The following PF4 variants were observed in gnomAD, a reference collection of about 807,000 sequenced individuals.
The protein encoded by PF4 is platelet factor 4, also known as C-X-C motif chemokine 4.
Under a neutral mutation model 6.9 loss-of-function variants are expected in PF4, and 8 were observed. The ratio of observed to expected loss-of-function variants is 1.16; its 90% CI spans 0.68 to 2.09. PF4 has a LOEUF of 2.09. PF4 is among the 30% of genes most tolerant of loss of function. PF4 has a pLI of 0.00. For missense variants in PF4, 111 were observed against 122.9 expected (o/e 0.90, Z 0.46); for synonymous variants, 55 against 56.5 (o/e 0.97, Z 0.12).
At position 73,981,853 on chromosome 4, in the gene PF4, C is replaced by T. The variant is rs1407812833; in HGVS notation, c.91+10G>A. On this transcript the variant is annotated intron_variant, in intron 1 of 2. Coordinates refer to ENST00000296029, the MANE Select transcript of PF4 (RefSeq NM_002619.4). ...GCTGCCAGCCCTCACAGCCTGGCTT[C>T]TGCTCTCACCGCTGGCGAAGGCGAC... The T allele has an allele frequency of 6.4e-7, 1 of 1,551,138 alleles. No individual in the cohort carries two copies. Among genetic ancestry groups the T allele is most frequent in the Non-Finnish European group, 8.7e-7 (1 of 1,146,870 alleles).
rs1371039940 is a variant in PF4, at chr4:73,981,277, T to C, written c.233A>G (p.Asn78Ser). Reference protein sequence around the residue: ...PTAQLIATLKNGRKICLDLQA... With the variant: ...PTAQLIATLKSGRKICLDLQA... ...CAGGTCCAAGCAAATTTTCCTTCCA[T>C]TCTTCAGCGTGGCTCTGGCAGGGAA... Residue 78 changes from asparagine (N) to serine (S), a missense_variant, in exon 3 of 3, where the codon AAT (asparagine) becomes AGT (serine). Physicochemically the swap from Asn to Ser is conservative, Grantham distance 46. Transcript: ENST00000296029. 1 of 1,614,234 alleles carries C rather than the reference T, an allele frequency of 6.2e-7. No homozygotes were observed. Among genetic ancestry groups the C allele is most frequent in the Non-Finnish European group, 8.5e-7 (1 of 1,180,024 alleles).
chr4:73,982,044 C>A (rs774022989), upstream of PF4: 2 of 1,074,040 alleles, frequency 1.9e-6, no homozygotes, highest in South Asian at 1.5e-5. Flanking sequence ...TGAGCCTCGC[C>A]GGCACGTTTT....
intron 1 of PF4, 102 bp downstream of exon 1, chr4:73,981,761 T>C (rs2109811102): frequency 6.7e-7 from 1 of 1,494,476 alleles, no homozygotes; most frequent in Admixed American, 2.2e-5. Flanking sequence ...CTCCGTTAAG[T>C]GTGGCTGTGA....
chr4:73,981,217 A>T lies in PF4; in HGVS notation c.293T>A (p.Leu98His), dbSNP rs1718775364. Residue 98 changes from leucine to histidine, a missense_variant, in exon 3 of 3, where the codon CTT becomes CAT. Transcript: ENST00000296029. The part of the protein sequence containing the change: ...APLYKKIIKK[L>H]LES ...GGCAGCTAGTAGCTAACTCTCCAAA[A>T]GTTTCTTAATTATTTTCTTGTACAG... 1.2e-6 allele frequency: 2 copies of T among 1,613,770 alleles called. No individual in the cohort carries two copies. Among genetic ancestry groups the T allele is most frequent in the Admixed American group, 1.7e-5 (1 of 60,006 alleles).
Position 73,981,974 on chromosome 4 carries a change from A to G in PF4, c.-21T>C, listed in dbSNP as rs367691357. ...CTCATGCTGCGGCAGAGCTTCCAGC[A>G]GGATCTCAGTGCTCAGTGCGATGGG... On this transcript the variant is annotated 5_prime_UTR_variant, in exon 1 of 3. Coordinates refer to ENST00000296029, the MANE Select transcript of PF4 (RefSeq NM_002619.4). The G allele has an allele frequency of 2.6e-6, 4 of 1,547,248 alleles. No homozygotes were observed. Among genetic ancestry groups the G allele is most frequent in the Middle Eastern group, 1.7e-4 (1 of 5,974 alleles).
chr4:73,980,890 G>A lies in PF4; in HGVS notation c.*314C>T, dbSNP rs1259300385. Among the ~76,000 whole-genome samples, 1 of 152,214 alleles carries A rather than the reference G, an allele frequency of 6.6e-6. No homozygotes were observed. Among genetic ancestry groups the A allele is most frequent in the Non-Finnish European group, 1.5e-5 (1 of 68,044 alleles). The stretch of plus-strand genomic sequence containing the variant: ...GTCAAGGTAAATATGTAGCTATAAA[G>A]TACTGCAATCATGTAAATGCATGAA... On this transcript the variant is annotated 3_prime_UTR_variant, in exon 3 of 3. Transcript: ENST00000296029.
At chr4:73,981,791 C>T in intron 1 of PF4, 72 bp downstream of exon 1, 1 of 1,524,308 alleles carries the variant, frequency 6.6e-7, no homozygotes, top group South Asian at 1.3e-5. Flanking sequence ...TAGAGGATTC[C>T]TCCCCAGCCC....
Position 73,981,535 on chromosome 4 carries a change from C to A in PF4, c.100G>T (p.Glu34Ter). 6.2e-7 allele frequency: 1 copy of A among 1,612,936 alleles called. No individual in the cohort carries two copies. The highest frequency in any genetic ancestry group is 1.1e-5 in the South Asian group (1 of 90,900). ...LVVAFASAEAEEDGDLQCLCV... is the reference protein window; with the variant it reads ...LVVAFASAEA ...AGGCACTGCAGGTCCCCATCTTCTT[C>A]AGCTTCAGCTGAGGGGGAAATGGAG... The change falls in exon 2 of 3, where the codon GAA (glutamate) becomes TAA (stop). Residue 34 changes from glutamate (E) to a stop codon, truncating the protein, a stop_gained. Transcript: ENST00000296029. LOFTEE classifies it high-confidence loss of function.
chr4:73,982,077 C>G (rs1718820373), upstream of PF4: 1 of 699,364 alleles, frequency 1.4e-6, no homozygotes, highest in Non-Finnish European at 2.3e-6. Flanking sequence ...CCTTCCAGTC[C>G]GGAAGCCTGA....
rs1268444932 is a variant in PF4 at position 73,981,884 on chromosome 4, G to C, written c.70C>G (p.Leu24Val). Reference sequence around the variant, plus strand: ...TCACCGCTGGCGAAGGCGACCACAAGTGGCAGGAGCAGCAACCCCAGGAAC... The same window carrying C: ...TCACCGCTGGCGAAGGCGACCACAACTGGCAGGAGCAGCAACCCCAGGAAC... ...LLFLGLLLLPLVVAFASAEAE... is the reference protein window; with the variant it reads ...LLFLGLLLLPVVVAFASAEAE... The change falls in exon 1 of 3, where the codon CTT becomes GTT. Residue 24 changes from leucine to valine, a missense_variant. Physicochemically the swap from Leu to Val is conservative, Grantham distance 32 (BLOSUM62 1). Transcript: ENST00000296029. 9.0e-6 allele frequency: 14 copies of C among 1,551,236 alleles called. 1 individual carries two copies. Among genetic ancestry groups the C allele is most frequent in the East Asian group, 2.4e-5 (1 of 40,890 alleles).
chr4:73,981,895 A>G lies in PF4; in HGVS notation c.59T>C (p.Leu20Pro). 3 of 1,551,382 alleles carry G rather than the reference A, an allele frequency of 1.9e-6. No individual in the cohort carries two copies. Among genetic ancestry groups the G allele is most frequent in the Non-Finnish European group, 2.6e-6 (3 of 1,146,936 alleles). Residue 20 changes from leucine (L) to proline (P), a missense_variant, in exon 1 of 3, where the codon CTG becomes CCG. Physicochemically the swap from Leu to Pro is moderately conservative, Grantham distance 98. Transcript: ENST00000296029. ...GAAGGCGACCACAAGTGGCAGGAGC[A>G]GCAACCCCAGGAACAGCAGCCCGGG... ...SRPGLLFLGL[L>P]LLPLVVAFAS...
intron 1 of PF4, 89 bp from the exon 2 acceptor site, chr4:73,981,632 A>G: frequency 2.0e-6 from 3 of 1,516,372 alleles, no homozygotes; most frequent in South Asian, 1.3e-5. Flanking sequence ...GACTTTTTCC[A>G]CTACCTTCAG....
chr4:73,981,446 G>A lies in PF4; in HGVS notation c.189C>T (p.Ala63=), dbSNP rs144253863. 3.7e-4 allele frequency: 595 copies of A among 1,614,036 alleles called. No individual in the cohort carries two copies. Among genetic ancestry groups the A allele is most frequent in the Non-Finnish European group, 4.7e-4 (555 of 1,180,004 alleles). ...RHITSLEVIK[A]GPHCPTAQLI... ...GTTGGGCAGTGGGGCAGTGGGGTCCGGCCTTGATCACCTCCAGGCTGGTGA... is the reference window on the plus strand; with the variant it reads ...GTTGGGCAGTGGGGCAGTGGGGTCCAGCCTTGATCACCTCCAGGCTGGTGA... Residue 63 remains alanine (A), a synonymous_variant, in exon 2 of 3, where the codon GCC becomes GCT. Coordinates refer to ENST00000296029, the MANE Select transcript of PF4 (RefSeq NM_002619.4).
chr4:73,980,983 C>A lies in PF4; in HGVS notation c.*221G>T, dbSNP rs1490172659. ...ACACCTTCCTTCAAAATACTTTTTG[C>A]TTAAAATACCGGAATTTTTTTCTTC... On this transcript the variant is annotated 3_prime_UTR_variant, in exon 3 of 3. Coordinates refer to ENST00000296029, the MANE Select transcript of PF4 (RefSeq NM_002619.4). The A allele has an allele frequency of 1.9e-6, 1 of 538,708 alleles. No individual in the cohort carries two copies. The highest frequency in any genetic ancestry group is 1.9e-5 in the African/African-American group (1 of 52,922). 33.4% of individuals were successfully genotyped at this position (538,708 alleles called of 1,614,324 possible). A position where few individuals can be genotyped will look rare whatever the true frequency, so the allele number is the denominator to read the frequency against.
In PF4 at chr4:73,981,085, TTTTG is replaced by T. The variant is rs1399497851; in HGVS notation, c.*115_*118del. Reference sequence around the variant, plus strand: ...TTTGACTATACTACAACTTGATTTATTTTGTTTATTTAAAATCATAAGGATAACA... The same window carrying T: ...TTTGACTATACTACAACTTGATTTATTTTATTTAAAATCATAAGGATAACA... On this transcript the variant is annotated 3_prime_UTR_variant, in exon 3 of 3. Coordinates refer to ENST00000296029, the MANE Select transcript of PF4 (RefSeq NM_002619.4). The T allele has an allele frequency of 1.4e-5, 10 of 731,140 alleles. No individual in the cohort carries two copies. The highest frequency in any genetic ancestry group is 1.1e-4 in the African/African-American group (6 of 56,268). 45.3% of individuals were successfully genotyped at this position (731,140 alleles called of 1,614,324 possible). A position where few individuals can be genotyped will look rare whatever the true frequency, so the allele number is the denominator to read the frequency against.
In PF4 at chr4:73,981,213, CAA is replaced by C; in HGVS notation, c.295_296del (p.Leu99GlyfsTer25). 3 of 1,613,638 alleles carry C rather than the reference CAA, an allele frequency of 1.9e-6. No homozygotes were observed. The highest frequency in any genetic ancestry group is 2.5e-6 in the Non-Finnish European group (3 of 1,179,554). ...PLYKKIIKKLLES is the reference protein window; with the variant it reads ...PLYKKIIKKLXES ...CGTAGGCAGCTAGTAGCTAACTCTC[CAA>C]AAGTTTCTTAATTATTTTCTTGTAC... On this transcript the variant is annotated frameshift_variant, in exon 3 of 3. Coordinates refer to ENST00000296029, the MANE Select transcript of PF4 (RefSeq NM_002619.4). LOFTEE classifies it high-confidence loss of function.
chr4:73,981,867 G>A lies in PF4; in HGVS notation c.87C>T (p.Ala29=). The A allele has an allele frequency of 6.4e-7, 1 of 1,551,226 alleles. No homozygotes were observed. Among genetic ancestry groups the A allele is most frequent in the Non-Finnish European group, 8.7e-7 (1 of 1,146,888 alleles). ...LLLLPLVVAF[A]SAEAEEDGDL... is the part of the protein sequence containing the mutation. ...CAGCCTGGCTTCTGCTCTCACCGCT[G>A]GCGAAGGCGACCACAAGTGGCAGGA... is the stretch of plus-strand genomic sequence containing the variant. The change falls in exon 1 of 3, where the codon GCC becomes GCT. Residue 29 remains alanine, a synonymous_variant. Coordinates refer to ENST00000296029, the MANE Select transcript of PF4 (RefSeq NM_002619.4).
At position 73,981,366 on chromosome 4, in the gene PF4, G is replaced by A. The variant is rs1306466881; in HGVS notation, c.218+51C>T. On this transcript the variant is annotated intron_variant, in intron 2 of 2. Coordinates refer to ENST00000296029, the MANE Select transcript of PF4 (RefSeq NM_002619.4). ...ATGGCATTAGAAGGGGGAGGGTTGG[G>A]CAGAGGAGGCACGGAGCGGGAGCAC... 4.3e-6 allele frequency: 7 copies of A among 1,613,988 alleles called. No individual in the cohort carries two copies. In the South Asian group the frequency reaches 5.5e-5, roughly 13 times the overall value.
rs927159956 is a variant in PF4, at chr4:73,981,695, C to A, written c.92-152G>T. ...CTCCCCCAGACAGAAGTTGTTCTAA[C>A]CAGGTGGGAGGTGCAGGTGCAGCGC... is the stretch of plus-strand genomic sequence containing the variant. On this transcript the variant is annotated intron_variant, in intron 1 of 2. Transcript: ENST00000296029. 1.8e-5 allele frequency: 27 copies of A among 1,478,026 alleles called. No homozygotes were observed. In the African/African-American group the frequency reaches 3.2e-4, roughly 18 times the overall value. The allele number at this position is 1,478,026 out of a possible 1,614,324, so 91.6% of individuals were successfully genotyped here.
Sources: gnomAD v4.1 joint callset for allele counts (sites outside exome capture counted in the v4.1 genomes callset) on GRCh38, gnomAD v4.1.1 for gene constraint, MANE v1.5 for transcripts, NCBI Gene and HGNC (gene_info 2026-07-23, HGNC 2026-07-21) for gene names.